Variants in RIMBP2 observed in about 807,000 individuals in gnomAD.
The protein encoded by RIMBP2 is RIMS binding protein 2, also known as RIMS-binding protein 2.
Under a neutral mutation model 118.6 loss-of-function variants are expected in RIMBP2, and 48 were observed. The observed-to-expected ratio is 0.40, with a 90% CI of 0.32 to 0.51. The LOEUF (loss-of-function observed/expected upper bound fraction) is 0.51. Ranked by LOEUF, RIMBP2 falls within the 20% of genes least tolerant of loss-of-function variation. RIMBP2 has a pLI of 0.41. For missense variants in RIMBP2, 1,551 were observed against 1,768.3 expected (o/e 0.88, Z 2.20); for synonymous variants, 762 against 742.9 (o/e 1.03, Z -0.42).
chr12:130,500,172 C>T (rs1332741715), intron 4 of RIMBP2, among the ~76,000 whole-genome samples: 2 of 152,166 alleles, frequency 1.3e-5, no homozygotes, highest in African/African-American at 2.4e-5. Context: ...TGTAAAGAAC[C>T]ATGTGGGCTG....
chr12:130,516,335 T>A (rs2051456717), intron 3 of RIMBP2, among the ~76,000 whole-genome samples: 1 of 152,216 alleles, frequency 6.6e-6, no homozygotes, highest in Non-Finnish European at 1.5e-5. Context: ...CATCATTCAA[T>A]AGATGTTGAC....
At chr12:130,477,100 T>TG (rs1054040722) in intron 5 of RIMBP2, among the ~76,000 whole-genome samples, 1 of 152,204 alleles carries the variant, frequency 6.6e-6, no homozygotes, top group African/African-American at 2.4e-5. Context: ...TCTCTCCCTC[T>TG]GCCCCTCGCC....
chr12:130,649,107 G>T (rs2063113714), intron 1 of RIMBP2, among the ~76,000 whole-genome samples: 2 of 145,904 alleles, frequency 1.4e-5, no homozygotes, highest in South Asian at 4.2e-4. Context: ...GCGGCCGATA[G>T]GCTCAGTCGG....
At chr12:130,701,692 C>T (rs768699488) in intron 1 of RIMBP2, among the ~76,000 whole-genome samples, 11 of 152,108 alleles carry the variant, frequency 7.2e-5, no homozygotes, top group Non-Finnish European at 1.0e-4. Flanking sequence ...CAAATCGCTC[C>T]TGCTTGACAG....
At position 130,506,714 on chromosome 12, in the gene RIMBP2, G is replaced by C; in HGVS notation, c.-70C>G. 1.0e-6 allele frequency: 1 copy of C among 985,682 alleles called. No individual in the cohort carries two copies. The highest frequency in any genetic ancestry group is 1.2e-6 in the Non-Finnish European group (1 of 829,910). 61.1% of individuals were successfully genotyped at this position (985,682 alleles called of 1,614,324 possible). ...GGTGTTTCTCCTTCACGGCCAAATC[G>C]CGCTCTCTGGTCACGAGGGTGAGCG... On this transcript the variant is annotated 5_prime_UTR_variant, in exon 4 of 23. Transcript: ENST00000690449.
At chr12:130,438,334 A>AACCCC in intron 12 of RIMBP2, 31 bp downstream of exon 12, 60 of 1,344,448 alleles carry the variant, frequency 4.5e-5, no homozygotes, top group Non-Finnish European at 5.4e-5. Flanking sequence ...GGGCCTAACA[A>AACCCC]ACCCTCCCCA....
chr12:130,474,308 G>A (rs924384017), intron 5 of RIMBP2, among the ~76,000 whole-genome samples: 1 of 152,230 alleles, frequency 6.6e-6, no homozygotes, highest in Non-Finnish European at 1.5e-5. Context: ...GAATGTTAAT[G>A]AGAATTTATC....
chr12:130,639,084 A>T (rs556375583), intron 1 of RIMBP2, among the ~76,000 whole-genome samples: 34 of 152,218 alleles, frequency 2.2e-4, no homozygotes, highest in Non-Finnish European at 4.1e-4. Flanking sequence ...TAAACCTAAA[A>T]CTGCTCTTTT....
At chr12:130,555,826 GC>G (rs1336071111) in intron 2 of RIMBP2, among the ~76,000 whole-genome samples, 2 of 152,156 alleles carry the variant, frequency 1.3e-5, no homozygotes, top group South Asian at 2.1e-4. Flanking sequence ...TGAAAATAAT[GC>G]CCCATGCCTG....
chr12:130,497,570 C>T (rs574733771), intron 4 of RIMBP2, among the ~76,000 whole-genome samples: 2 of 152,224 alleles, frequency 1.3e-5, no homozygotes, highest in Non-Finnish European at 2.9e-5. Context: ...GAAGCACCAC[C>T]GGTTGCAGTC....
At chr12:130,487,319 G>A (rs895069377) in intron 4 of RIMBP2, among the ~76,000 whole-genome samples, 3 of 152,204 alleles carry the variant, frequency 2.0e-5, no homozygotes, top group Non-Finnish European at 1.5e-5. Context: ...AGGTGTCTGG[G>A]TCACGGGGGC....
At chr12:130,645,218 C>G (rs563506224) in intron 1 of RIMBP2, among the ~76,000 whole-genome samples, 1 of 152,010 alleles carries the variant, frequency 6.6e-6, no homozygotes. Context: ...CTCAGGTCCC[C>G]GAGTAGCTGG....
chr12:130,608,327 G>C (rs952889233), intron 2 of RIMBP2, among the ~76,000 whole-genome samples: 23 of 152,358 alleles, frequency 1.5e-4, no homozygotes, highest in South Asian at 1.2e-3. Flanking sequence ...ACAGGGGGTC[G>C]CAGACAGCAT....
At chr12:130,398,493 G>A (rs2074237162) in intron 22 of RIMBP2, 1 of 152,676 alleles carries the variant, frequency 6.5e-6, no homozygotes, top group Non-Finnish European at 1.5e-5. Context: ...GATCATTTGA[G>A]CTGCGTGCTT....
intron 2 of RIMBP2, among the ~76,000 whole-genome samples, chr12:130,609,122 A>G (rs1044556306): frequency 3.3e-5 from 5 of 152,146 alleles, no homozygotes; most frequent in Non-Finnish European, 7.3e-5. Flanking sequence ...CAAAAAGCAA[A>G]AATGGAATGG....
At chr12:130,687,363 G>A (rs2065102112) in intron 1 of RIMBP2, among the ~76,000 whole-genome samples, 1 of 152,174 alleles carries the variant, frequency 6.6e-6, no homozygotes, top group Non-Finnish European at 1.5e-5. Flanking sequence ...GATGCCTCGC[G>A]TTTTAATCCA....
At chr12:130,542,143 T>C (rs184361815) in intron 2 of RIMBP2, among the ~76,000 whole-genome samples, 370 of 146,428 alleles carry the variant, frequency 2.5e-3, no homozygotes, top group African/African-American at 7.2e-3. Context: ...CAAGATGAAG[T>C]AAGCACAAAG....
In RIMBP2 at chr12:130,420,308, C is replaced by T. The variant is rs1011952543; in HGVS notation, c.3238+2145G>A. Among the ~76,000 whole-genome samples, 20 of 152,134 alleles carry T rather than the reference C, an allele frequency of 1.3e-4. No homozygotes were observed. The highest frequency in any genetic ancestry group is 4.6e-4 in the African/African-American group (19 of 41,418). On this transcript the variant is annotated intron_variant, in intron 17 of 22. Transcript: ENST00000690449. The surrounding 1 kb of genome is among the most constrained non-coding windows in gnomAD (Gnocchi z 4.3). ...TTATTTTATGTGGTGTCCCGGCTTG[C>T]TACATGATAAGAAGTCAGCACAATT...
At chr12:130,671,859 T>C (rs957833608) in intron 1 of RIMBP2, among the ~76,000 whole-genome samples, 48 of 152,336 alleles carry the variant, frequency 3.2e-4, no homozygotes, top group African/African-American at 1.1e-3. Flanking sequence ...GTGGAAATGA[T>C]ACAATATTGA....
Sources: allele counts gnomAD v4.1 joint callset (sites outside exome capture counted in the v4.1 genomes callset), GRCh38; gene constraint gnomAD v4.1.1; non-coding constraint Gnocchi (gnomAD v3.1); transcripts MANE v1.5; gene names NCBI Gene and HGNC (gene_info 2026-07-23, HGNC 2026-07-21).